ADGRB3: variants seen among roughly 807,000 people sequenced by gnomAD.
The protein encoded by ADGRB3 is adhesion G protein-coupled receptor B3, also known as brain-specific angiogenesis inhibitor 3.
ADGRB3 carries 37 observed loss-of-function variants against 193.4 expected under a neutral mutation model. That is an observed-to-expected ratio of 0.19 (90% CI 0.15 to 0.25). The LOEUF (loss-of-function observed/expected upper bound fraction) is 0.25. Among genes scored for constraint, ADGRB3 ranks in the 10% least tolerant of loss-of-function variants. ADGRB3 has a pLI of 1.00. For synonymous variants in ADGRB3, 690 were observed against 644.2 expected, an observed-to-expected ratio of 1.07 and a Z score of -1.08; for missense variants, 1,637 against 1,852.9, an observed-to-expected ratio of 0.88 and a Z score of 2.14.
At chr6:69,331,465 A>T in intron 23 of ADGRB3, 7 of 822,688 alleles carry the variant, frequency 8.5e-6, no homozygotes, top group Non-Finnish European at 8.8e-6. Flanking sequence ...TTCTTGAATG[A>T]CTCATTCAAA....
At chr6:69,206,292 G>A (rs751331035) in intron 17 of ADGRB3, among the ~76,000 whole-genome samples, 7 of 151,858 alleles carry the variant, frequency 4.6e-5, no homozygotes, top group Admixed American at 6.6e-5. Context: ...TATTCTAGCT[G>A]CGCTGGCAAC....
chr6:69,046,884 G>A (rs767441274), intron 13 of ADGRB3, among the ~76,000 whole-genome samples: 3 of 152,132 alleles, frequency 2.0e-5, no homozygotes, highest in African/African-American at 7.2e-5. Flanking sequence ...TTGAGACGCA[G>A]TCTTGCTCTG....
At chr6:68,744,417 A>G (rs1372828191) in intron 3 of ADGRB3, among the ~76,000 whole-genome samples, 3 of 152,114 alleles carry the variant, frequency 2.0e-5, no homozygotes, top group African/African-American at 7.2e-5. Context: ...AAATCATTCT[A>G]CTATGAAGAC....
rs572466080 is a variant in ADGRB3, at chr6:69,209,517, A to T, written c.2481-23773A>T. 1.3e-4 allele frequency among the ~76,000 whole-genome samples: 20 copies of T among 152,336 alleles called. No homozygotes were observed. In the East Asian group the frequency reaches 3.7e-3, roughly 28 times the overall value. On this transcript the variant is annotated intron_variant, in intron 17 of 31. Coordinates refer to ENST00000370598, the MANE Select transcript of ADGRB3 (RefSeq NM_001704.3). ...GTGTTTGCTACTTCTTGCTCACTGG[A>T]TCCAATCAACATAATGTCATCAATG...
intron 19 of ADGRB3, among the ~76,000 whole-genome samples, chr6:69,238,476 G>A (rs1288353462): frequency 1.3e-5 from 2 of 151,934 alleles, no homozygotes; most frequent in Non-Finnish European, 2.9e-5. Flanking sequence ...GATGTCAAGT[G>A]ATTTTCCAGC....
At position 68,701,098 on chromosome 6, in the gene ADGRB3, T is replaced by C. The variant is rs1582133108; in HGVS notation, c.757+61666T>C. 5.3e-5 allele frequency among the ~76,000 whole-genome samples: 8 copies of C among 152,250 alleles called. 1 individual carries two copies. The highest frequency in any genetic ancestry group is 5.2e-4 in the Admixed American group (8 of 15,292). On this transcript the variant is annotated intron_variant, in intron 3 of 31. Transcript: ENST00000370598. ...CTTTGATTCTATGCCGAAATTAGAGTAAATTTAATTTTAAATTATAAAAAG... is the reference window on the plus strand; with the variant it reads ...CTTTGATTCTATGCCGAAATTAGAGCAAATTTAATTTTAAATTATAAAAAG...
At position 69,054,240 on chromosome 6, in the gene ADGRB3, GA is replaced by G. The variant is rs571860370; in HGVS notation, c.2333+4896del. Among the ~76,000 whole-genome samples, 1,367 of 152,158 alleles carry G rather than the reference GA, an allele frequency of 9.0e-3. 30 individuals carry two copies. Among genetic ancestry groups the G allele is most frequent in the African/African-American group, 0.031 (1,308 of 41,526 alleles). On this transcript the variant is annotated intron_variant, in intron 15 of 31. Coordinates refer to ENST00000370598, the MANE Select transcript of ADGRB3 (RefSeq NM_001704.3). ...AATTTCAATAATGCAAAAATCAAAT[GA>G]ATTTCTTGTCAAGTACACTAACCTA...
chr6:69,178,329 A>C (rs1188980391), intron 17 of ADGRB3, among the ~76,000 whole-genome samples: 1 of 152,186 alleles, frequency 6.6e-6, no homozygotes, highest in African/African-American at 2.4e-5. Context: ...GAATGACATT[A>C]CATTACAGGT....
At chr6:69,355,100 G>A (rs59783395) in intron 27 of ADGRB3, among the ~76,000 whole-genome samples, 6,056 of 152,166 alleles carry the variant, frequency 0.04, 391 homozygotes, top group African/African-American at 0.13. Flanking sequence ...AAAACAAATA[G>A]ATAGCCAAAA....
At position 69,261,431 on chromosome 6, in the gene ADGRB3, G is replaced by A. The variant is rs188972891; in HGVS notation, c.2814+22205G>A. 2.7e-4 allele frequency among the ~76,000 whole-genome samples: 41 copies of A among 152,034 alleles called. No homozygotes were observed. In the East Asian group the frequency reaches 6.0e-3, roughly 22 times the overall value. On this transcript the variant is annotated intron_variant, in intron 20 of 31. Coordinates refer to ENST00000370598, the MANE Select transcript of ADGRB3 (RefSeq NM_001704.3). Reference sequence around the variant, plus strand: ...GAAAATAGGTTTCACTCCAAAATACGGATACAGGGGCCACTGAATGTAATG... The same window carrying A: ...GAAAATAGGTTTCACTCCAAAATACAGATACAGGGGCCACTGAATGTAATG...
intron 3 of ADGRB3, among the ~76,000 whole-genome samples, chr6:68,667,583 A>C (rs1768834182): frequency 6.6e-6 from 1 of 152,006 alleles, no homozygotes; most frequent in South Asian, 2.1e-4. Context: ...TTCATTCATA[A>C]GAACAAAATT....
At chr6:69,093,769 A>G (rs1772786969) in intron 17 of ADGRB3, among the ~76,000 whole-genome samples, 1 of 151,866 alleles carries the variant, frequency 6.6e-6, no homozygotes, top group South Asian at 2.1e-4. Context: ...GTTCAGGGGG[A>G]TAGGAGTGGG....
chr6:68,877,843 A>T (rs1765634370), intron 3 of ADGRB3, among the ~76,000 whole-genome samples: 1 of 152,094 alleles, frequency 6.6e-6, no homozygotes, highest in African/African-American at 2.4e-5. Context: ...TGAATAACTG[A>T]CCGATTAGTC....
chr6:69,104,942 A>G lies in ADGRB3; in HGVS notation c.2480+28904A>G, dbSNP rs544497224. ...TGGGAGACACCGGATATCATAATCA[A>G]CATACAAGTTTTATGCTTTTGATAA... On this transcript the variant is annotated intron_variant, in intron 17 of 31. Transcript: ENST00000370598. 2.8e-4 allele frequency among the ~76,000 whole-genome samples: 43 copies of G among 152,300 alleles called. No homozygotes were observed. The South Asian group carries it at 8.3e-3, about 29-fold the overall frequency.
chr6:69,383,079 A>G, intron 31 of ADGRB3, 144 bp downstream of exon 31: 1 of 456,248 alleles, frequency 2.2e-6, no homozygotes. Context: ...ATACTTTGGA[A>G]AGTCTACCAA....
At chr6:68,794,409 G>A (rs1451938035) in intron 3 of ADGRB3, among the ~76,000 whole-genome samples, 3 of 151,916 alleles carry the variant, frequency 2.0e-5, no homozygotes, top group Non-Finnish European at 2.9e-5. Flanking sequence ...TTAAAGCTAT[G>A]GAATCAATTT....
At chr6:68,890,404 G>T (rs1399864018) in intron 3 of ADGRB3, among the ~76,000 whole-genome samples, 1 of 152,130 alleles carries the variant, frequency 6.6e-6, no homozygotes, top group Non-Finnish European at 1.5e-5. Context: ...GAAGACCTCT[G>T]TCCCAAACTT....
intron 23 of ADGRB3, chr6:69,331,604 C>G: frequency 1.0e-6 from 1 of 985,342 alleles, no homozygotes; most frequent in Non-Finnish European, 1.2e-6. Context: ...AAAATAAAAT[C>G]AAGGCAAGAA....
At chr6:69,196,174 C>T (rs1289833931) in intron 17 of ADGRB3, among the ~76,000 whole-genome samples, 1 of 152,074 alleles carries the variant, frequency 6.6e-6, no homozygotes, top group East Asian at 1.9e-4. Context: ...AGGTACTTTA[C>T]TGAGGAATAC....
Sources: allele counts gnomAD v4.1 joint callset (sites outside exome capture counted in the v4.1 genomes callset), GRCh38; gene constraint gnomAD v4.1.1; transcripts MANE v1.5; gene names NCBI Gene and HGNC (gene_info 2026-07-23, HGNC 2026-07-21).